Variants in NSUN7 observed in about 807,000 individuals in gnomAD.
NSUN7 encodes the protein NOP2/Sun RNA methyltransferase family member 7.
In NSUN7, 39 loss-of-function variants were observed where a neutral mutation model predicts 58.5. The ratio of observed to expected loss-of-function variants is 0.67; its 90% CI spans 0.52 to 0.87. The LOEUF (loss-of-function observed/expected upper bound fraction) is 0.87, where lower values mean the gene tolerates loss of function less well. NSUN7 is among the 40% of genes least tolerant of loss of function. The pLI, the probability that NSUN7 is intolerant of heterozygous loss-of-function variation, is 0.00. For synonymous variants in NSUN7, 278 were observed against 303.7 expected, an observed-to-expected ratio of 0.92 and a Z score of 0.88; for missense variants, 765 against 844.1, an observed-to-expected ratio of 0.91 and a Z score of 1.16.
At position 40,809,069 on chromosome 4, in the gene NSUN7, A is replaced by G; in HGVS notation, c.*130A>G. ...GTCACCTAGGGATCTTCTAAGTGTG[A>G]TATTACTTTCAGAGAATTCAGACAA... is the stretch of plus-strand genomic sequence containing the variant. On this transcript the variant is annotated 3_prime_UTR_variant, in exon 12 of 12. Transcript: ENST00000381782. The G allele has an allele frequency of 1.0e-6, 1 of 964,540 alleles. No individual in the cohort carries two copies. The allele number at this position is 964,540 out of a possible 1,614,324, so 59.7% of individuals were successfully genotyped here.
chr4:40,751,232 G>T lies in NSUN7; in HGVS notation c.298+241G>T, dbSNP rs567478428. On this transcript the variant is annotated intron_variant, in intron 2 of 11. Coordinates refer to ENST00000381782, the MANE Select transcript of NSUN7 (RefSeq NM_024677.6). ...TGTCCTTAGATCGGTGTAGTGCGCG[G>T]TCATTACATTCAACAAGGAAACAAT... 2.9e-3 allele frequency among the ~76,000 whole-genome samples: 439 copies of T among 152,234 alleles called. 3 individuals are homozygous for T. Among genetic ancestry groups the T allele is most frequent in the South Asian group, 5.4e-3 (26 of 4,814 alleles).
At chr4:40,792,567 C>A (rs556402472) in intron 8 of NSUN7, among the ~76,000 whole-genome samples, 15 of 152,108 alleles carry the variant, frequency 9.9e-5, no homozygotes, top group African/African-American at 3.6e-4. Context: ...CTGGCTAACA[C>A]GGTGAAACCC....
chr4:40,770,303 T>A (rs1159780732), intron 4 of NSUN7, among the ~76,000 whole-genome samples: 1 of 152,006 alleles, frequency 6.6e-6, no homozygotes, highest in Non-Finnish European at 1.5e-5. Context: ...TTTCTTCTGA[T>A]GGGAACATCG....
intron 8 of NSUN7, 92 bp downstream of exon 8, chr4:40,790,837 C>A: frequency 2.1e-6 from 2 of 971,980 alleles, no homozygotes; most frequent in Non-Finnish European, 3.0e-6. Flanking sequence ...TCAAATACAT[C>A]TGATTAATAA....
chr4:40,801,901 C>CAAAAAAAAAAAAAA (rs56868885), intron 10 of NSUN7, among the ~76,000 whole-genome samples: 13 of 107,358 alleles, frequency 1.2e-4, no homozygotes, highest in South Asian at 3.0e-4. Context: ...GACTCTGTCT[C>CAAAAAAAAAAAAAA]AAAAAAAAAA....
chr4:40,795,475 T>C (rs533020118), intron 9 of NSUN7, among the ~76,000 whole-genome samples: 1 of 152,244 alleles, frequency 6.6e-6, no homozygotes, highest in Admixed American at 6.5e-5. Context: ...TGAAGCATTT[T>C]AATTAAATTT....
intron 2 of NSUN7, among the ~76,000 whole-genome samples, chr4:40,757,791 C>T (rs1002566853): frequency 8.6e-5 from 13 of 150,912 alleles, no homozygotes. Context: ...ATATCAAAGG[C>T]ATCCTAAAGG....
At chr4:40,757,158 G>C (rs545752009) in intron 2 of NSUN7, among the ~76,000 whole-genome samples, 44 of 152,304 alleles carry the variant, frequency 2.9e-4, no homozygotes, top group Admixed American at 4.6e-4. Flanking sequence ...GAACCTGGGA[G>C]GCAGAGGTTG....
At chr4:40,757,415 G>T (rs927104304) in intron 2 of NSUN7, among the ~76,000 whole-genome samples, 4 of 151,436 alleles carry the variant, frequency 2.6e-5, no homozygotes, top group Non-Finnish European at 5.9e-5. Flanking sequence ...ATGCATTTTT[G>T]ATATACAATA....
chr4:40,782,467 C>T (rs941404474), intron 7 of NSUN7, among the ~76,000 whole-genome samples: 1 of 150,652 alleles, frequency 6.6e-6, no homozygotes, highest in Non-Finnish European at 1.5e-5. Flanking sequence ...ACGAGGGAGG[C>T]TGAGGCTGGA....
At chr4:40,802,610 A>G (rs1743634146) in intron 10 of NSUN7, among the ~76,000 whole-genome samples, 1 of 135,114 alleles carries the variant, frequency 7.4e-6, no homozygotes, top group South Asian at 2.3e-4. Context: ...TACCAGCTGA[A>G]TAGCAACTAC....
chr4:40,761,463 G>C (rs186588967), intron 4 of NSUN7, among the ~76,000 whole-genome samples, 162 bp downstream of exon 4: 211 of 152,236 alleles, frequency 1.4e-3, no homozygotes, highest in African/African-American at 4.8e-3. Context: ...GTCTTGAACA[G>C]GTTAAGAATT....
chr4:40,759,304 C>T (rs1231810566), intron 2 of NSUN7, among the ~76,000 whole-genome samples: 2 of 152,160 alleles, frequency 1.3e-5, no homozygotes, highest in East Asian at 3.9e-4. Context: ...GAGCGAGACT[C>T]TGTCTCATAA....
intron 8 of NSUN7, 52 bp from the exon 9 acceptor site, chr4:40,794,323 T>G: frequency 1.0e-6 from 1 of 998,484 alleles, no homozygotes; most frequent in African/African-American, 1.6e-5. Flanking sequence ...TAACAATATG[T>G]AAAAAGTTTT....
At chr4:40,768,091 A>T (rs764901925) in intron 4 of NSUN7, among the ~76,000 whole-genome samples, 2 of 152,192 alleles carry the variant, frequency 1.3e-5, no homozygotes, top group Admixed American at 6.5e-5. Flanking sequence ...AGCCAACTCT[A>T]TCTGCCTTCT....
At chr4:40,764,066 A>G (rs1213343659) in intron 4 of NSUN7, among the ~76,000 whole-genome samples, 1 of 151,402 alleles carries the variant, frequency 6.6e-6, no homozygotes, top group Non-Finnish European at 1.5e-5. Flanking sequence ...TAATTTTTTA[A>G]TTTTTTAATT....
intron 4 of NSUN7, among the ~76,000 whole-genome samples, chr4:40,764,600 C>CAT (rs1741622961): frequency 2.6e-5 from 4 of 152,000 alleles, no homozygotes; most frequent in African/African-American, 4.8e-5. Flanking sequence ...TACCCAGTAA[C>CAT]GGGATAGCTG....
chr4:40,786,911 T>A (rs56203416), intron 7 of NSUN7, among the ~76,000 whole-genome samples: 1 of 152,136 alleles, frequency 6.6e-6, no homozygotes, highest in South Asian at 2.1e-4. Flanking sequence ...TAAAGTGGTC[T>A]CTTCTCCCTA....
chr4:40,803,739 T>C (rs1743702583), intron 10 of NSUN7, among the ~76,000 whole-genome samples: 1 of 152,258 alleles, frequency 6.6e-6, no homozygotes, highest in African/African-American at 2.4e-5. Context: ...AACTTTTGTA[T>C]ATGATAAGAG....
Sources: allele counts gnomAD v4.1 joint callset (sites outside exome capture counted in the v4.1 genomes callset), GRCh38; gene constraint gnomAD v4.1.1; transcripts MANE v1.5; gene names NCBI Gene and HGNC (gene_info 2026-07-23, HGNC 2026-07-21).